TIAM1: variants seen among roughly 807,000 people sequenced by gnomAD.
The protein encoded by TIAM1 is TIAM Rac1 associated GEF 1, also known as rho guanine nucleotide exchange factor TIAM1.
A neutral mutation model predicts 163.5 loss-of-function variants in TIAM1; 65 were observed. The observed-to-expected ratio is 0.40, with a 90% confidence interval of 0.33 to 0.49. The LOEUF is 0.49. Ranked by LOEUF, TIAM1 falls within the 20% of genes least tolerant of loss-of-function variation. TIAM1 has a pLI of 0.77. For synonymous variants in TIAM1, 833 were observed against 810.1 expected, an observed-to-expected ratio of 1.03 and a Z score of -0.48; for missense variants, 1,789 against 2,044.7, an observed-to-expected ratio of 0.87 and a Z score of 2.41.
chr21:31,230,552 T>A (rs539040354), intron 6 of TIAM1, among the ~76,000 whole-genome samples: 3 of 152,236 alleles, frequency 2.0e-5, no homozygotes, highest in African/African-American at 7.2e-5. Context: ...TTAGACAGAA[T>A]CTCACTCTGT....
At chr21:31,327,709 G>T (rs2075540588) in intron 2 of TIAM1, among the ~76,000 whole-genome samples, 1 of 149,270 alleles carries the variant, frequency 6.7e-6, no homozygotes, top group African/African-American at 2.5e-5. Context: ...TGTGCCTAGA[G>T]AAATTGCAAA....
intron 2 of TIAM1, among the ~76,000 whole-genome samples, chr21:31,433,188 C>A (rs1460118188): frequency 6.6e-6 from 1 of 152,108 alleles, no homozygotes; most frequent in South Asian, 2.1e-4. Context: ...AGGGGAGTCA[C>A]CCAAGCCTTC....
At chr21:31,322,945 G>C (rs552701628) in intron 2 of TIAM1, among the ~76,000 whole-genome samples, 11 of 152,300 alleles carry the variant, frequency 7.2e-5, no homozygotes, top group Admixed American at 6.5e-5. Context: ...CCTTGGTGGA[G>C]TCCATGGTAG....
At chr21:31,448,609 TAAA>T (rs36095276) in intron 2 of TIAM1, among the ~76,000 whole-genome samples, 2 of 128,722 alleles carry the variant, frequency 1.6e-5, no homozygotes, top group Admixed American at 8.1e-5. Flanking sequence ...CCATCTCAAT[TAAA>T]AAAAAAAAAA....
chr21:31,437,541 G>A (rs2044254520), intron 2 of TIAM1, among the ~76,000 whole-genome samples: 1 of 148,928 alleles, frequency 6.7e-6, no homozygotes, highest in African/African-American at 2.5e-5. Flanking sequence ...GGGTGGTATG[G>A]TTTGGATTTG....
At chr21:31,504,478 CAAG>C (rs1460102782) in intron 1 of TIAM1, among the ~76,000 whole-genome samples, 1 of 152,190 alleles carries the variant, frequency 6.6e-6, no homozygotes, top group African/African-American at 2.4e-5. Context: ...CCTCCAAGTT[CAAG>C]AATGCCACTG....
chr21:31,349,314 G>A (rs2076197210), intron 2 of TIAM1, among the ~76,000 whole-genome samples: 1 of 152,218 alleles, frequency 6.6e-6, no homozygotes, highest in African/African-American at 2.4e-5. Flanking sequence ...GAAAAGGGAG[G>A]AAGTGCAACC....
intron 12 of TIAM1, among the ~76,000 whole-genome samples, chr21:31,201,372 G>A (rs890670152): frequency 1.3e-5 from 2 of 152,126 alleles, no homozygotes; most frequent in Non-Finnish European, 2.9e-5. Context: ...GTTGGAAAAG[G>A]GCTCATTATT....
intron 2 of TIAM1, among the ~76,000 whole-genome samples, chr21:31,379,878 G>A (rs1266429326): frequency 3.3e-5 from 5 of 152,142 alleles, no homozygotes; most frequent in Non-Finnish European, 7.3e-5. Flanking sequence ...AAGAGCTGGA[G>A]GGAAATACGG....
chr21:31,551,804 T>C (rs969591119), intron 1 of TIAM1, among the ~76,000 whole-genome samples: 2 of 152,086 alleles, frequency 1.3e-5, no homozygotes, highest in African/African-American at 4.8e-5. Flanking sequence ...GTAGGTGAGA[T>C]GCAATTGCCA....
chr21:31,306,703 A>T (rs2074724385), intron 2 of TIAM1, among the ~76,000 whole-genome samples: 1 of 152,208 alleles, frequency 6.6e-6, no homozygotes, highest in African/African-American at 2.4e-5. Flanking sequence ...TCTACACAAC[A>T]ACTTGCCTGG....
chr21:31,489,534 G>T (rs2046393934), intron 1 of TIAM1, among the ~76,000 whole-genome samples: 1 of 123,354 alleles, frequency 8.1e-6, no homozygotes, highest in Non-Finnish European at 1.7e-5. Flanking sequence ...GAGGGAGGGA[G>T]GGAGGGAGGG....
intron 1 of TIAM1, among the ~76,000 whole-genome samples, chr21:31,556,747 C>T (rs2048893524): frequency 6.6e-6 from 1 of 152,168 alleles, no homozygotes; most frequent in Admixed American, 6.5e-5. Flanking sequence ...TCTCTTCTAC[C>T]TTCCCTGCTT....
Position 31,266,339 on chromosome 21 carries a change from G to C in TIAM1, c.634C>G (p.Arg212Gly), listed in dbSNP as rs529851930. Residue 212 changes from arginine (R) to glycine (G), a missense_variant, in exon 4 of 28, where the codon CGG (arginine) becomes GGG (glycine). Around this residue, in one of 5 missense-constraint regions of TIAM1, gnomAD observed 555 missense variants for 564.9 expected, o/e 0.98. Transcript: ENST00000541036. ...SAEEKDCEEA[R>G]GMETRASPRQ... ...GGACTCGCCCGCGTTTCCATCCCCC[G>C]AGCCTCCTCGCAGTCCTTCTCTTCG... 3.7e-6 allele frequency: 6 copies of C among 1,614,022 alleles called. No individual in the cohort carries two copies. In the African/African-American group the frequency reaches 8.0e-5, roughly 22 times the overall value.
intron 1 of TIAM1, among the ~76,000 whole-genome samples, chr21:31,544,534 A>G (rs2123288885): frequency 6.6e-6 from 1 of 152,284 alleles, no homozygotes; most frequent in East Asian, 1.9e-4. Flanking sequence ...AGGCTGAGGC[A>G]GGAGAATCAC....
At chr21:31,270,446 C>G (rs1348995233) in intron 3 of TIAM1, among the ~76,000 whole-genome samples, 1 of 152,168 alleles carries the variant, frequency 6.6e-6, no homozygotes, top group Non-Finnish European at 1.5e-5. Flanking sequence ...TCATTAAACT[C>G]TTAATTTCAG....
At chr21:31,415,369 T>A (rs2043335809) in intron 2 of TIAM1, among the ~76,000 whole-genome samples, 1 of 152,214 alleles carries the variant, frequency 6.6e-6, no homozygotes, top group Non-Finnish European at 1.5e-5. Context: ...GCAAACCCAT[T>A]GAGTTCGCTA....
At chr21:31,231,066 T>C (rs1189687563) in intron 6 of TIAM1, among the ~76,000 whole-genome samples, 1 of 152,124 alleles carries the variant, frequency 6.6e-6, no homozygotes, top group African/African-American at 2.4e-5. Context: ...AAAATGTGAG[T>C]AGAAGTGACA....
intron 2 of TIAM1, among the ~76,000 whole-genome samples, chr21:31,422,688 AC>A (rs1321413617): frequency 4.6e-5 from 7 of 152,250 alleles, no homozygotes; most frequent in African/African-American, 1.7e-4. Flanking sequence ...CTGTGCCTCC[AC>A]CTGCACTCCA....
Sources: gnomAD v4.1 joint callset for allele counts (sites outside exome capture counted in the v4.1 genomes callset) on GRCh38, gnomAD v4.1.1 for gene constraint, gnomAD v4.1.1 regional missense constraint, MANE v1.5 for transcripts, NCBI Gene and HGNC (gene_info 2026-07-23, HGNC 2026-07-21) for gene names.